DENND1A: variants seen among roughly 807,000 people sequenced by gnomAD.
DENND1A encodes DENN domain-containing protein 1A.
Under a neutral mutation model 113.7 loss-of-function variants are expected in DENND1A, and 51 were observed. The ratio of observed to expected loss-of-function variants is 0.45; its 90% CI spans 0.36 to 0.57. The LOEUF (loss-of-function observed/expected upper bound fraction) is 0.57. Among genes scored for constraint, DENND1A ranks in the 20% least tolerant of loss-of-function variants. The probability of loss-of-function intolerance (pLI) is 0.00; values close to 1 mark genes in which losing one functional copy is unlikely to be tolerated. For synonymous variants in DENND1A, 565 were observed against 570.8 expected, an observed-to-expected ratio of 0.99 and a Z score of 0.14; for missense variants, 1,258 against 1,395.9, an observed-to-expected ratio of 0.90 and a Z score of 1.57.
At chr9:123,879,457 C>A (rs1848001967) in intron 1 of DENND1A, among the ~76,000 whole-genome samples, 1 of 152,074 alleles carries the variant, frequency 6.6e-6, no homozygotes, top group African/African-American at 2.4e-5. Flanking sequence ...CACTTGAGCC[C>A]AGGAGGCAGA....
intron 3 of DENND1A, among the ~76,000 whole-genome samples, chr9:123,780,123 G>T (rs941306263): frequency 2.0e-5 from 3 of 152,142 alleles, no homozygotes; most frequent in Non-Finnish European, 2.9e-5. Flanking sequence ...CAAAGTACTG[G>T]GATTACAGGC....
intron 11 of DENND1A, among the ~76,000 whole-genome samples, chr9:123,605,659 G>C (rs539978758): frequency 6.6e-6 from 1 of 152,188 alleles, no homozygotes; most frequent in Admixed American, 6.5e-5. Context: ...GGAGGAAGGC[G>C]GACTCTGTAA....
At chr9:123,870,983 T>C (rs1387998095) in intron 2 of DENND1A, among the ~76,000 whole-genome samples, 1 of 152,182 alleles carries the variant, frequency 6.6e-6, no homozygotes, top group Non-Finnish European at 1.5e-5. Context: ...AAGATGAATT[T>C]AATTAATATC....
intron 3 of DENND1A, among the ~76,000 whole-genome samples, chr9:123,770,498 G>A (rs77056923): frequency 0.011 from 1,637 of 152,214 alleles, 33 homozygotes; most frequent in African/African-American, 0.036. Flanking sequence ...ACATAGACAG[G>A]TAGTTAGTTA....
chr9:123,906,405 T>A, intron 1 of DENND1A, among the ~76,000 whole-genome samples: 1 of 119,488 alleles, frequency 8.4e-6, no homozygotes, highest in African/African-American at 4.9e-5. Flanking sequence ...TTCAAAAAAT[T>A]AATGAATCCA....
intron 5 of DENND1A, among the ~76,000 whole-genome samples, chr9:123,685,543 T>C (rs984090993): frequency 5.9e-5 from 9 of 152,238 alleles, no homozygotes; most frequent in Non-Finnish European, 1.3e-4. Flanking sequence ...GATTTGATTT[T>C]GGAAACAAGG....
chr9:123,745,354 A>G (rs2069400921), intron 5 of DENND1A, among the ~76,000 whole-genome samples: 1 of 152,206 alleles, frequency 6.6e-6, no homozygotes, highest in South Asian at 2.1e-4. Context: ...AGAAGTAAAT[A>G]AGGGCAATAA....
intron 11 of DENND1A, among the ~76,000 whole-genome samples, chr9:123,605,884 A>T (rs1040938403): frequency 6.6e-6 from 1 of 152,258 alleles, no homozygotes; most frequent in African/African-American, 2.4e-5. Context: ...TTTGAAGTTT[A>T]AAAAATTCTG....
intron 1 of DENND1A, 75 bp downstream of exon 1, chr9:123,929,814 C>G (rs1857722587): frequency 5.5e-6 from 1 of 183,000 alleles, no homozygotes; most frequent in African/African-American, 2.4e-5. Flanking sequence ...CCCCGCGCGG[C>G]CCGCGGCCTG....
At chr9:123,851,912 G>A (rs1408088655) in intron 2 of DENND1A, among the ~76,000 whole-genome samples, 5 of 152,150 alleles carry the variant, frequency 3.3e-5, no homozygotes, top group Non-Finnish European at 4.4e-5. Flanking sequence ...AAAGAAGGAC[G>A]ATTCAGAATC....
chr9:123,667,276 A>C (rs575000955), intron 7 of DENND1A, among the ~76,000 whole-genome samples, 197 bp from the exon 8 acceptor site: 1 of 152,312 alleles, frequency 6.6e-6, no homozygotes, highest in Non-Finnish European at 1.5e-5. Context: ...ACTTTGGTAG[A>C]TGGAGTTCTT....
chr9:123,913,126 A>C (rs12341461), intron 1 of DENND1A, among the ~76,000 whole-genome samples: 9,101 of 150,318 alleles, frequency 0.061, 330 homozygotes, highest in African/African-American at 0.07. Context: ...AAAAAAAAAA[A>C]AAAAAAAAAA....
intron 10 of DENND1A, among the ~76,000 whole-genome samples, chr9:123,618,008 C>A (rs557737575): frequency 2.6e-5 from 4 of 152,218 alleles, no homozygotes; most frequent in Non-Finnish European, 5.9e-5. Flanking sequence ...ATCCCATGTG[C>A]CAAGATGCAT....
chr9:123,383,512 G>C (rs2042392881), intron 23 of DENND1A, 143 bp downstream of exon 23: 2 of 1,348,042 alleles, frequency 1.5e-6, no homozygotes, highest in Admixed American at 2.2e-5. Context: ...GGTGTTTACA[G>C]TCACACTGAC....
intron 2 of DENND1A, among the ~76,000 whole-genome samples, chr9:123,801,005 G>T (rs1834555868): frequency 6.6e-6 from 1 of 152,114 alleles, no homozygotes; most frequent in South Asian, 2.1e-4. Context: ...CTCTGCAGGG[G>T]AAGCACATGC....
At position 123,452,362 on chromosome 9, in the gene DENND1A, T is replaced by C. The variant is rs1314031381; in HGVS notation, c.1228-15A>G. 1 of 1,611,760 alleles carries C rather than the reference T, an allele frequency of 6.2e-7. No homozygotes were observed. Among genetic ancestry groups the C allele is most frequent in the South Asian group, 1.1e-5 (1 of 91,046 alleles). On this transcript the variant is annotated splice_polypyrimidine_tract_variant and intron_variant, in intron 16 of 23. Coordinates refer to ENST00000394215, the MANE Select transcript of DENND1A (RefSeq NM_001352964.2). Reference sequence around the variant, plus strand: ...CCACTTCCTTTCTATAATAAAAATGTCAATTAGCAATTTGGGCTGAAGACA... The same window carrying C: ...CCACTTCCTTTCTATAATAAAAATGCCAATTAGCAATTTGGGCTGAAGACA...
chr9:123,774,183 CCT>C (rs1434825246), intron 3 of DENND1A, among the ~76,000 whole-genome samples: 2 of 151,996 alleles, frequency 1.3e-5, no homozygotes, highest in African/African-American at 4.8e-5. Flanking sequence ...AAATGCTGAC[CCT>C]CTAAGTCCTG....
chr9:123,709,037 C>A (rs540770021), intron 5 of DENND1A, among the ~76,000 whole-genome samples: 5 of 152,216 alleles, frequency 3.3e-5, no homozygotes, highest in African/African-American at 1.2e-4. Flanking sequence ...CCCCTGGAAT[C>A]GACTTTGAGC....
chr9:123,811,527 A>C (rs1836602613), intron 2 of DENND1A, among the ~76,000 whole-genome samples: 1 of 152,216 alleles, frequency 6.6e-6, no homozygotes, highest in Admixed American at 6.5e-5. Context: ...TGGGAGGCTG[A>C]GGCGGGCAGA....
Sources: allele counts gnomAD v4.1 joint callset (sites outside exome capture counted in the v4.1 genomes callset), GRCh38; gene constraint gnomAD v4.1.1; transcripts MANE v1.5; gene names NCBI Gene and HGNC (gene_info 2026-07-23, HGNC 2026-07-21).